VIPR2: variants seen among roughly 807,000 people sequenced by gnomAD.
VIPR2 encodes vasoactive intestinal peptide receptor 2, also known as vasoactive intestinal polypeptide receptor 2.
A neutral mutation model predicts 58.0 loss-of-function variants in VIPR2; 48 were observed. The observed-to-expected ratio is 0.83, with a 90% CI of 0.66 to 1.05. VIPR2 has a LOEUF of 1.05. Ranked by LOEUF, VIPR2 falls within the 50% of genes least tolerant of loss-of-function variation. The pLI is 0.00. For missense variants in VIPR2, 534 were observed against 558.0 expected, an observed-to-expected ratio of 0.96 and a Z score of 0.43; for synonymous variants, 243 against 235.2, an observed-to-expected ratio of 1.03 and a Z score of -0.30.
At chr7:159,104,864 C>T (rs150056588) in intron 3 of VIPR2, among the ~76,000 whole-genome samples, 9 of 147,452 alleles carry the variant, frequency 6.1e-5, no homozygotes, top group African/African-American at 8.0e-5. Context: ...TCACCACCAA[C>T]GGTGACCTGG....
Position 159,030,704 on chromosome 7 carries a change from A to G in VIPR2, c.1229T>C (p.Phe410Ser), listed in dbSNP as rs138691820. ...GGCGCCCTCCGAGCCGTTGCGGGAG[A>G]AGGAGGAACCGCAGACCCTGTAATC... ...SRDYRVCGSSFSRNGSEGALQ... is the reference protein window; with the variant it reads ...SRDYRVCGSSSSRNGSEGALQ... Residue 410 changes from phenylalanine (F) to serine (S), a missense_variant, in exon 13 of 13, where the codon TTC (phenylalanine) becomes TCC (serine). Around this residue, in one of 3 missense-constraint regions of VIPR2, gnomAD observed 306 missense variants for 285.8 expected, o/e 1.07. Coordinates refer to ENST00000262178, the MANE Select transcript of VIPR2 (RefSeq NM_003382.5). 1.4e-3 allele frequency: 2,190 copies of G among 1,588,466 alleles called. 17 individuals are homozygous for G. The African/African-American group carries it at 0.021, about 15-fold the overall frequency.
At chr7:159,104,825 C>T (rs768350922) in intron 3 of VIPR2, among the ~76,000 whole-genome samples, 1 of 149,080 alleles carries the variant, frequency 6.7e-6, no homozygotes, top group Non-Finnish European at 1.5e-5. Context: ...CAGTTCCTGA[C>T]AGTATCCTCC....
intron 5 of VIPR2, among the ~76,000 whole-genome samples, chr7:159,044,603 A>T (rs200949701): frequency 1.4e-5 from 2 of 144,966 alleles, no homozygotes; most frequent in African/African-American, 5.0e-5. Flanking sequence ...AAAAAAAAAA[A>T]CCTAAAACAA....
intron 2 of VIPR2, among the ~76,000 whole-genome samples, chr7:159,111,789 C>T (rs1326427871): frequency 2.0e-5 from 3 of 152,010 alleles, no homozygotes; most frequent in Non-Finnish European, 2.9e-5. Flanking sequence ...CGGGATAATC[C>T]CTTGAGCCCA....
At chr7:159,082,721 T>C (rs574557514) in intron 4 of VIPR2, among the ~76,000 whole-genome samples, 1 of 152,316 alleles carries the variant, frequency 6.6e-6, no homozygotes, top group South Asian at 2.1e-4. Context: ...TAGGCTGTGC[T>C]GAAAACAGAC....
At chr7:159,077,028 A>G (rs2129494776) in intron 4 of VIPR2, among the ~76,000 whole-genome samples, 1 of 152,364 alleles carries the variant, frequency 6.6e-6, no homozygotes, top group African/African-American at 2.4e-5. Flanking sequence ...TGGAGCTAAT[A>G]ACCCCTTTGG....
intron 2 of VIPR2, among the ~76,000 whole-genome samples, chr7:159,119,460 C>T (rs763025517): frequency 6.6e-6 from 1 of 152,246 alleles, no homozygotes; most frequent in Admixed American, 6.5e-5. Context: ...GTTCCCCCTG[C>T]ACCTGTAGGA....
chr7:159,121,198 C>T (rs187439578), intron 2 of VIPR2, among the ~76,000 whole-genome samples: 2,073 of 151,296 alleles, frequency 0.014, 29 homozygotes, highest in Admixed American at 0.033. Flanking sequence ...CTCCCTCCCT[C>T]CATGCTGCTG....
chr7:159,108,115 C>A (rs1795841712), intron 3 of VIPR2, among the ~76,000 whole-genome samples: 2 of 152,206 alleles, frequency 1.3e-5, no homozygotes, highest in South Asian at 4.1e-4. Context: ...GTTCTGTAGA[C>A]CACAGAGCAC....
chr7:159,030,952 G>A (rs1432835457), intron 12 of VIPR2, among the ~76,000 whole-genome samples, 163 bp from the exon 13 acceptor site: 1 of 152,270 alleles, frequency 6.6e-6, no homozygotes, highest in East Asian at 1.9e-4. Context: ...GGCAGAGGCT[G>A]GAGGGAGCGG....
intron 2 of VIPR2, among the ~76,000 whole-genome samples, chr7:159,142,142 C>G (rs1797496268): frequency 6.6e-6 from 1 of 152,198 alleles, no homozygotes. Context: ...AAAACTGAAG[C>G]TGCTTTTGCA....
At chr7:159,059,502 CTCT>C (rs1855510461) in intron 4 of VIPR2, 1 of 367,262 alleles carries the variant, frequency 2.7e-6, no homozygotes, top group African/African-American at 2.1e-5. Context: ...GAAAGTTATG[CTCT>C]TGTTTATTAG....
At chr7:159,130,166 C>G (rs1374093396) in intron 2 of VIPR2, among the ~76,000 whole-genome samples, 1 of 152,248 alleles carries the variant, frequency 6.6e-6, no homozygotes, top group Non-Finnish European at 1.5e-5. Flanking sequence ...CATACCCCAT[C>G]TTGACTTTAG....
chr7:159,055,021 A>C (rs1283014267), intron 5 of VIPR2, among the ~76,000 whole-genome samples: 1 of 152,244 alleles, frequency 6.6e-6, no homozygotes, highest in African/African-American at 2.4e-5. Flanking sequence ...ATGATGACTA[A>C]GAATATAACA....
intron 2 of VIPR2, chr7:159,117,421 G>T: frequency 1.4e-6 from 1 of 717,426 alleles, no homozygotes; most frequent in Non-Finnish European, 2.6e-6. Flanking sequence ...GAACAGACAG[G>T]ATAACAGTGA....
intron 4 of VIPR2, among the ~76,000 whole-genome samples, chr7:159,063,422 G>C (rs1375921975): frequency 2.0e-5 from 3 of 152,014 alleles, no homozygotes; most frequent in Admixed American, 1.3e-4. Context: ...AGCGCCGGCC[G>C]GCCGCTCCAA....
intron 2 of VIPR2, among the ~76,000 whole-genome samples, chr7:159,140,417 T>G (rs1048665354): frequency 2.6e-5 from 4 of 152,228 alleles, no homozygotes; most frequent in Non-Finnish European, 5.9e-5. Context: ...TCCCTGGCAT[T>G]TGAGCCACGC....
In VIPR2 at chr7:159,096,803, C is replaced by A; in HGVS notation, c.357+6954G>T. The A allele has an allele frequency of 7.0e-7, 1 of 1,434,538 alleles. No homozygotes were observed. The highest frequency in any genetic ancestry group is 9.2e-7 in the Non-Finnish European group (1 of 1,087,260). The allele number at this position is 1,434,538 out of a possible 1,614,324, so 88.9% of individuals were successfully genotyped here. On this transcript the variant is annotated intron_variant, in intron 4 of 12. Coordinates refer to ENST00000262178, the MANE Select transcript of VIPR2 (RefSeq NM_003382.5). The surrounding 1 kb of genome is among the most constrained non-coding windows in gnomAD (Gnocchi z 5.5). Reference sequence around the variant, plus strand: ...GAGGTCAGTCTCGTGGCCCCCGCAGCAGCCACAGGCCCAGCTCTTGTCCCG... The same window carrying A: ...GAGGTCAGTCTCGTGGCCCCCGCAGAAGCCACAGGCCCAGCTCTTGTCCCG...
At chr7:159,112,367 G>A (rs1360943291) in intron 2 of VIPR2, among the ~76,000 whole-genome samples, 1 of 152,230 alleles carries the variant, frequency 6.6e-6, no homozygotes, top group South Asian at 2.1e-4. Flanking sequence ...AGGCGCAGCC[G>A]GAAGCGCTGC....
Sources: gnomAD v4.1 joint callset for allele counts (sites outside exome capture counted in the v4.1 genomes callset) on GRCh38, gnomAD v4.1.1 for gene constraint, gnomAD v4.1.1 regional missense constraint, Gnocchi (gnomAD v3.1) non-coding constraint, MANE v1.5 for transcripts, NCBI Gene and HGNC (gene_info 2026-07-23, HGNC 2026-07-21) for gene names.